The following NAGA variants were observed in gnomAD, a reference collection of about 807,000 sequenced individuals.
NAGA encodes Acetylgalactosaminidase, alpha-N- (alpha-galactosidase B).
A neutral mutation model predicts 45.6 loss-of-function variants in NAGA; 42 were observed. That is an observed-to-expected ratio of 0.92 (90% CI 0.72 to 1.19). The LOEUF is 1.19. Ranked by LOEUF, NAGA falls within the 50% of genes most tolerant of loss-of-function variation. The pLI, the probability that NAGA is intolerant of heterozygous loss-of-function variation, is 0.00. For synonymous variants in NAGA, 176 were observed against 203.1 expected (o/e 0.87, Z 1.13); for missense variants, 493 against 544.8 (o/e 0.90, Z 0.95).
At chr22:42,060,869 C>T in intron 8 of NAGA, 55 bp downstream of exon 8, 1 of 1,611,990 alleles carries the variant, frequency 6.2e-7, no homozygotes, top group Non-Finnish European at 8.5e-7. Flanking sequence ...CCCATAATAC[C>T]CTCCCACAGA....
At chr22:42,060,480 A>G in intron 8 of NAGA, 67 bp from the exon 9 acceptor site, 2 of 1,602,452 alleles carry the variant, frequency 1.2e-6, no homozygotes. Context: ...CCCCCGCTAG[A>G]GGATGTAGAA....
Position 42,058,717 on chromosome 22 carries a change from C to T in NAGA, c.*1562G>A. 6.6e-6 allele frequency: 1 copy of T among 152,402 alleles called. No individual in the cohort carries two copies. 9.4% of individuals were successfully genotyped at this position (152,402 alleles called of 1,614,324 possible). A position where few individuals can be genotyped will look rare whatever the true frequency, so the allele number is the denominator to read the frequency against. ...GTCCAGGCTCAACTCTGGCCCCCAA[C>T]TCCCAAGTCCATGGTCTCAACTCAT... On this transcript the variant is annotated 3_prime_UTR_variant, in exon 9 of 9. Transcript: ENST00000396398.
intron 4 of NAGA, 21 bp from the exon 5 acceptor site, chr22:42,066,825 T>G: frequency 6.3e-7 from 1 of 1,591,710 alleles, no homozygotes; most frequent in South Asian, 1.1e-5. Flanking sequence ...CCCAACCTGT[T>G]TCAGTCCTGA....
chr22:42,068,444 G>A lies in NAGA; in HGVS notation c.147C>T (p.Cys49=), dbSNP rs1289256898. 36 of 1,614,050 alleles carry A rather than the reference G, an allele frequency of 2.2e-5. No homozygotes were observed. Among genetic ancestry groups the A allele is most frequent in the Non-Finnish European group, 3.1e-5 (36 of 1,180,040 alleles). Reference sequence around the variant, plus strand: ...TGAGTGTGGACCTTACTCACCTTATGCAGTTCTTTGGGTCCTCATCACAGT... The same window carrying A: ...TGAGTGTGGACCTTACTCACCTTATACAGTTCTTTGGGTCCTCATCACAGT... ...NINCDEDPKN[C]ISEQLFMEMA... is the part of the protein sequence containing the mutation. The change falls in exon 2 of 9, where the codon TGC becomes TGT. Residue 49 remains cysteine, a synonymous_variant. Coordinates refer to ENST00000396398, the MANE Select transcript of NAGA (RefSeq NM_000262.3).
At chr22:42,060,495 T>C (rs1926307463) in intron 8 of NAGA, 82 bp from the exon 9 acceptor site, 7 of 1,593,600 alleles carry the variant, frequency 4.4e-6, no homozygotes, top group South Asian at 3.3e-5. Context: ...GTAGAAGCCT[T>C]CTGCCTGGAC....
intron 5 of NAGA, among the ~76,000 whole-genome samples, chr22:42,066,276 C>CT (rs1926724387): frequency 6.6e-6 from 1 of 152,150 alleles, no homozygotes; most frequent in African/African-American, 2.4e-5. Context: ...TGAGCCCACC[C>CT]TTTTTGGTGT....
At chr22:42,066,082 C>T (rs1487552403) in intron 5 of NAGA, among the ~76,000 whole-genome samples, 183 bp from the exon 6 acceptor site, 1 of 152,138 alleles carries the variant, frequency 6.6e-6, no homozygotes, top group African/African-American at 2.4e-5. Context: ...CTGGGGCTAC[C>T]GGGGTCTCCC....
rs1926872938 is a variant in NAGA, at chr22:42,068,472, A to G, written c.119T>C (p.Ile40Thr). The change falls in exon 2 of 9, where the codon ATT becomes ACT. Residue 40 changes from isoleucine to threonine, a missense_variant. Physicochemically the swap from Ile to Thr is moderately conservative, Grantham distance 89. Transcript: ENST00000396398. Reference sequence around the variant, plus strand: ...GTTCTTTGGGTCCTCATCACAGTTAATGTTGCAGCGGAAGCGTTCCCAGGC... The same window carrying G: ...GTTCTTTGGGTCCTCATCACAGTTAGTGTTGCAGCGGAAGCGTTCCCAGGC... ...WLAWERFRCN[I>T]NCDEDPKNCI... 1.2e-6 allele frequency: 2 copies of G among 1,614,078 alleles called. No homozygotes were observed. The highest frequency in any genetic ancestry group is 1.7e-6 in the Non-Finnish European group (2 of 1,180,008).
chr22:42,068,020 G>T, intron 2 of NAGA, 84 bp from the exon 3 acceptor site: 4 of 1,336,542 alleles, frequency 3.0e-6, no homozygotes, highest in Non-Finnish European at 4.3e-6. Context: ...ATTGAATCTG[G>T]GCTATAAAAA....
rs1037563255 is a variant in NAGA at position 42,058,341 on chromosome 22, A to C, written c.*1938T>G. The C allele has an allele frequency of 6.6e-6, 1 of 152,116 alleles. No individual in the cohort carries two copies. Among genetic ancestry groups the C allele is most frequent in the Admixed American group, 6.5e-5 (1 of 15,272 alleles). The allele number at this position is 152,116 out of a possible 1,614,324, so 9.4% of individuals were successfully genotyped here. On this transcript the variant is annotated 3_prime_UTR_variant, in exon 9 of 9. Transcript: ENST00000396398. Reference sequence around the variant, plus strand: ...CATGTGCAGGAAGAGAGATGAAATAATGGTACACGTTGATGGTTACTGGAG... The same window carrying C: ...CATGTGCAGGAAGAGAGATGAAATACTGGTACACGTTGATGGTTACTGGAG...
chr22:42,062,488 C>T (rs1159179122), intron 7 of NAGA, among the ~76,000 whole-genome samples: 2 of 152,140 alleles, frequency 1.3e-5, no homozygotes, highest in Admixed American at 6.6e-5. Context: ...ACCAGCTCCT[C>T]CTGCTCTGGA....
In NAGA at chr22:42,067,117, G is replaced by GGCCC. The variant is rs1926782117; in HGVS notation, c.494_497dup (p.Gln167GlyfsTer28). On this transcript the variant is annotated frameshift_variant, in exon 4 of 9. Transcript: ENST00000396398. LOFTEE classifies it high-confidence loss of function. ...CCAGCCAGCTGCGTAACTCACCCTG[G>GGCCC]GCCCGCTCCTCGGGGGTGGAGAAGC... The GGCCC allele has an allele frequency of 6.2e-7, 1 of 1,613,738 alleles. No individual in the cohort carries two copies. Among genetic ancestry groups the GGCCC allele is most frequent in the South Asian group, 1.1e-5 (1 of 91,076 alleles).
At position 42,059,985 on chromosome 22, in the gene NAGA, G is replaced by A. The variant is rs1306106722; in HGVS notation, c.*294C>T. The stretch of plus-strand genomic sequence containing the variant: ...CAGCAAGGTCAGAGGCTAGAGTCCT[G>A]ATGGGCATGGAGCTCAGGAGGCTGG... On this transcript the variant is annotated 3_prime_UTR_variant, in exon 9 of 9. Coordinates refer to ENST00000396398, the MANE Select transcript of NAGA (RefSeq NM_000262.3). 2 of 440,638 alleles carry A rather than the reference G, an allele frequency of 4.5e-6. No homozygotes were observed. The highest frequency in any genetic ancestry group is 8.5e-6 in the Non-Finnish European group (2 of 235,476). 27.3% of individuals were successfully genotyped at this position (440,638 alleles called of 1,614,324 possible).
chr22:42,060,241 C>T lies in NAGA; in HGVS notation c.*38G>A, dbSNP rs772613092. 2 of 1,611,282 alleles carry T rather than the reference C, an allele frequency of 1.2e-6. No individual in the cohort carries two copies. Among genetic ancestry groups the T allele is most frequent in the South Asian group, 1.1e-5 (1 of 90,946 alleles). ...ATGCCAAGGCTCCATGGTCTAGGCT[C>T]AGTGGTGCCACCACAGCCTGTCACA... On this transcript the variant is annotated 3_prime_UTR_variant, in exon 9 of 9. Coordinates refer to ENST00000396398, the MANE Select transcript of NAGA (RefSeq NM_000262.3).
At chr22:42,060,857 C>T (rs1240950588) in intron 8 of NAGA, 67 bp downstream of exon 8, 1 of 1,606,716 alleles carries the variant, frequency 6.2e-7, no homozygotes, top group Non-Finnish European at 8.5e-7. Flanking sequence ...GAACAACCAC[C>T]CCCCATAATA....
At chr22:42,069,252 ATAT>A (rs1926915906) in intron 1 of NAGA, among the ~76,000 whole-genome samples, 1 of 152,098 alleles carries the variant, frequency 6.6e-6, no homozygotes, top group Non-Finnish European at 1.5e-5. Flanking sequence ...AAAAAAGAAA[ATAT>A]TATGTCAAAA....
rs572342989 is a variant in NAGA at position 42,065,801 on chromosome 22, G to A, written c.696C>T (p.Phe232=). 7 of 1,614,098 alleles carry A rather than the reference G, an allele frequency of 4.3e-6. No individual in the cohort carries two copies. The highest frequency in any genetic ancestry group is 1.6e-4 in the Middle Eastern group (1 of 6,062). Residue 232 remains phenylalanine (F), a synonymous_variant, in exon 6 of 9, where the codon TTC becomes TTT. Coordinates refer to ENST00000396398, the MANE Select transcript of NAGA (RefSeq NM_000262.3). ...GCTGCAGTATGTCCTGGTGCTCCACGAACCAATTCAGGATGGAGAGCACGC... is the reference window on the plus strand; with the variant it reads ...GCTGCAGTATGTCCTGGTGCTCCACAAACCAATTCAGGATGGAGAGCACGC... The part of the protein sequence containing the change: ...WWSVLSILNW[F]VEHQDILQPV...
At chr22:42,065,278 A>G (rs1353959899) in intron 6 of NAGA, among the ~76,000 whole-genome samples, 2 of 152,224 alleles carry the variant, frequency 1.3e-5, no homozygotes, top group African/African-American at 4.8e-5. Flanking sequence ...TCACAGGGCA[A>G]TGACCGAGAT....
chr22:42,063,265 G>A (rs1004736221), intron 6 of NAGA, among the ~76,000 whole-genome samples: 5 of 152,070 alleles, frequency 3.3e-5, no homozygotes, highest in African/African-American at 9.7e-5. Context: ...GGCGGTAGGG[G>A]GGTGGGCAGA....
Sources: allele counts gnomAD v4.1 joint callset (sites outside exome capture counted in the v4.1 genomes callset), GRCh38; gene constraint gnomAD v4.1.1; transcripts MANE v1.5; gene names NCBI Gene and HGNC (gene_info 2026-07-23, HGNC 2026-07-21).